The following NDST3 variants were observed in gnomAD, a reference collection of about 807,000 sequenced individuals.
NDST3 encodes the protein bifunctional heparan sulfate N-deacetylase/N-sulfotransferase 3.
Under a neutral mutation model 96.1 loss-of-function variants are expected in NDST3, and 58 were observed. That is an observed-to-expected ratio of 0.60 (90% CI 0.49 to 0.75). The LOEUF (loss-of-function observed/expected upper bound fraction) is 0.75. Among genes scored for constraint, NDST3 ranks in the 30% least tolerant of loss-of-function variants. The pLI is 0.00. For synonymous variants in NDST3, 333 were observed against 359.7 expected, an observed-to-expected ratio of 0.93 and a Z score of 0.84; for missense variants, 788 against 1,034.2, an observed-to-expected ratio of 0.76 and a Z score of 3.27.
Position 118,243,155 on chromosome 4 carries a change from C to T in NDST3, c.2399+1006C>T, listed in dbSNP as rs111470665. On this transcript the variant is annotated intron_variant, in intron 12 of 13. Coordinates refer to ENST00000296499, the MANE Select transcript of NDST3 (RefSeq NM_004784.3). ...GAAAAAGACTATCATGGAATTTTTC[C>T]ATTGTGTTTTTCAGTATAAAACTCA... Among the ~76,000 whole-genome samples the T allele has an allele frequency of 5.7e-4, 86 of 151,722 alleles. 1 individual carries two copies. The highest frequency in any genetic ancestry group is 2.1e-3 in the African/African-American group (85 of 41,366).
chr4:118,168,777 C>T (rs10019969), intron 6 of NDST3, among the ~76,000 whole-genome samples: 12,073 of 152,142 alleles, frequency 0.079, 1,100 homozygotes, highest in African/African-American at 0.23. Flanking sequence ...TACAATAAAA[C>T]GTTATTCAGC....
intron 2 of NDST3, among the ~76,000 whole-genome samples, chr4:118,067,856 G>A (rs1726721331): frequency 1.3e-5 from 2 of 151,662 alleles, no homozygotes; most frequent in African/African-American, 2.4e-5. Context: ...AACCACCACG[G>A]CACATGTATA....
intron 6 of NDST3, chr4:118,194,548 G>A: frequency 1.4e-6 from 1 of 727,472 alleles, no homozygotes. Context: ...GATCCAGACT[G>A]GGGTCAAAGT....
chr4:118,243,030 G>C lies in NDST3; in HGVS notation c.2399+881G>C, dbSNP rs76213911. Among the ~76,000 whole-genome samples the C allele has an allele frequency of 8.1e-3, 1,238 of 152,092 alleles. 18 individuals carry two copies. Among genetic ancestry groups the C allele is most frequent in the African/African-American group, 0.028 (1,178 of 41,462 alleles). On this transcript the variant is annotated intron_variant, in intron 12 of 13. Coordinates refer to ENST00000296499, the MANE Select transcript of NDST3 (RefSeq NM_004784.3). ...TATATTTGTTCCTACCACATGTGTA[G>C]AGCAACTGGAAGATACTGAGTTGGA...
chr4:118,225,288 GTA>G (rs1246960921), intron 7 of NDST3, among the ~76,000 whole-genome samples: 1 of 152,174 alleles, frequency 6.6e-6, no homozygotes, highest in Non-Finnish European at 1.5e-5. Context: ...AGACTCTTAT[GTA>G]TCATAGAATT....
intron 2 of NDST3, among the ~76,000 whole-genome samples, chr4:118,057,723 G>A (rs1439065879): frequency 6.6e-6 from 1 of 151,930 alleles, no homozygotes; most frequent in Non-Finnish European, 1.5e-5. Context: ...TATGTGAATG[G>A]AATGATAGAG....
At chr4:118,092,867 A>G (rs1277275406) in intron 2 of NDST3, among the ~76,000 whole-genome samples, 1 of 151,884 alleles carries the variant, frequency 6.6e-6, no homozygotes, top group African/African-American at 2.4e-5. Flanking sequence ...TGCAGGGCAA[A>G]GGAAATAGAG....
intron 6 of NDST3, among the ~76,000 whole-genome samples, chr4:118,152,960 T>C (rs1355315014): frequency 1.3e-5 from 2 of 152,166 alleles, no homozygotes; most frequent in East Asian, 3.9e-4. Flanking sequence ...TTCTGTGAAA[T>C]GTCCATTCTT....
chr4:118,086,555 G>A (rs1181178362), intron 2 of NDST3, among the ~76,000 whole-genome samples: 1 of 152,092 alleles, frequency 6.6e-6, no homozygotes, highest in African/African-American at 2.4e-5. Context: ...TTACATAAAA[G>A]CAATCTGCCA....
chr4:118,082,438 T>C (rs1030083589), intron 2 of NDST3, among the ~76,000 whole-genome samples: 1 of 152,120 alleles, frequency 6.6e-6, no homozygotes, highest in Admixed American at 6.6e-5. Flanking sequence ...TCCTACAGGG[T>C]GATGTGAAGA....
In NDST3 at chr4:118,256,697, C is replaced by T. The variant is rs1217997015; in HGVS notation, c.*985C>T. The T allele has an allele frequency of 6.6e-6, 1 of 152,132 alleles. No homozygotes were observed. The highest frequency in any genetic ancestry group is 1.5e-5 in the Non-Finnish European group (1 of 67,994). The allele number at this position is 152,132 out of a possible 1,614,324, so 9.4% of individuals were successfully genotyped here. A position where few individuals can be genotyped will look rare whatever the true frequency, so the allele number is the denominator to read the frequency against. On this transcript the variant is annotated 3_prime_UTR_variant, in exon 14 of 14. Coordinates refer to ENST00000296499, the MANE Select transcript of NDST3 (RefSeq NM_004784.3). ...TAGCTATTTTTAATGCTCCCCAAAA[C>T]AAAACCTATTAAACTAAAACTAAAA...
At chr4:118,094,846 A>C (rs2125836089) in intron 2 of NDST3, among the ~76,000 whole-genome samples, 1 of 151,962 alleles carries the variant, frequency 6.6e-6, no homozygotes, top group South Asian at 2.1e-4. Context: ...CACCAATAGT[A>C]ATAGCGATAA....
At chr4:118,199,648 A>G (rs1350461869) in intron 6 of NDST3, among the ~76,000 whole-genome samples, 1 of 151,950 alleles carries the variant, frequency 6.6e-6, no homozygotes, top group Non-Finnish European at 1.5e-5. Context: ...GCCATTGAAG[A>G]GTTAGGTATT....
In NDST3 at chr4:118,224,506, A is replaced by G. The variant is rs751354526; in HGVS notation, c.1555A>G (p.Thr519Ala). ...VVLNPISIFMTHLSNYGNDRL... is the reference protein window; with the variant it reads ...VVLNPISIFMAHLSNYGNDRL... ...CTTTTTTCAGATCAGCATTTTCATGACCCATTTGTCCAACTATGGGAATGA... is the reference window on the plus strand; with the variant it reads ...CTTTTTTCAGATCAGCATTTTCATGGCCCATTTGTCCAACTATGGGAATGA... The change falls in exon 7 of 14, where the codon ACC becomes GCC. Residue 519 changes from threonine (T) to alanine (A), a missense_variant. Physicochemically the swap from Thr to Ala is moderately conservative, Grantham distance 58. Around this residue, in one of 3 missense-constraint regions of NDST3, gnomAD observed 490 missense variants for 708.8 expected, o/e 0.69. Coordinates refer to ENST00000296499, the MANE Select transcript of NDST3 (RefSeq NM_004784.3). 1 of 1,604,558 alleles carries G rather than the reference A, an allele frequency of 6.2e-7. No homozygotes were observed. The highest frequency in any genetic ancestry group is 8.5e-7 in the Non-Finnish European group (1 of 1,175,562).
chr4:118,243,721 G>A (rs1741142097), intron 12 of NDST3, among the ~76,000 whole-genome samples: 1 of 152,142 alleles, frequency 6.6e-6, no homozygotes, highest in Admixed American at 6.6e-5. Flanking sequence ...ATGTAGCAAA[G>A]CATTGTATTT....
At chr4:118,240,801 C>T in intron 11 of NDST3, 107 bp downstream of exon 11, 4 of 1,068,368 alleles carry the variant, frequency 3.7e-6, no homozygotes, top group Non-Finnish European at 5.3e-6. Context: ...AGTTTTTCCT[C>T]TTTAGTTGTA....
intron 2 of NDST3, among the ~76,000 whole-genome samples, chr4:118,095,023 C>T (rs970493602): frequency 2.6e-5 from 4 of 151,732 alleles, no homozygotes; most frequent in African/African-American, 4.8e-5. Flanking sequence ...TCACCTTGTA[C>T]ACTATAAATA....
chr4:118,048,918 T>C (rs1432934050), intron 1 of NDST3, among the ~76,000 whole-genome samples: 1 of 152,002 alleles, frequency 6.6e-6, no homozygotes, highest in African/African-American at 2.4e-5. Context: ...AACCACAAAA[T>C]ACACATATTT....
chr4:118,101,815 T>C (rs1296452112), intron 2 of NDST3, among the ~76,000 whole-genome samples: 1 of 152,092 alleles, frequency 6.6e-6, no homozygotes, highest in Non-Finnish European at 1.5e-5. Flanking sequence ...TTTATATTAG[T>C]CAAAAAAGTA....
Sources: gnomAD v4.1 joint callset for allele counts (sites outside exome capture counted in the v4.1 genomes callset) on GRCh38, gnomAD v4.1.1 for gene constraint, gnomAD v4.1.1 regional missense constraint, MANE v1.5 for transcripts, NCBI Gene and HGNC (gene_info 2026-07-23, HGNC 2026-07-21) for gene names.